The following SRPK2 variants were observed in gnomAD, a reference collection of about 807,000 sequenced individuals.
The protein encoded by SRPK2 is SFRS protein kinase 2.
SRPK2 carries 21 observed loss-of-function variants against 90.8 expected under a neutral mutation model. The ratio of observed to expected loss-of-function variants is 0.23; its 90% CI spans 0.16 to 0.33. SRPK2 has a LOEUF of 0.33. Among genes scored for constraint, SRPK2 ranks in the 10% least tolerant of loss-of-function variants. The probability of loss-of-function intolerance (pLI) is 1.00; values close to 1 mark genes in which losing one functional copy is unlikely to be tolerated. For synonymous variants in SRPK2, 288 were observed against 311.1 expected, an observed-to-expected ratio of 0.93 and a Z score of 0.78; for missense variants, 620 against 869.0, an observed-to-expected ratio of 0.71 and a Z score of 3.60.
In SRPK2 at chr7:105,117,316, C is replaced by A. The variant is rs1237858577; in HGVS notation, c.*522G>T. The A allele has an allele frequency of 2.0e-5, 3 of 153,354 alleles. No individual in the cohort carries two copies. Among genetic ancestry groups the A allele is most frequent in the Non-Finnish European group, 4.4e-5 (3 of 68,688 alleles). The allele number at this position is 153,354 out of a possible 1,614,324, so 9.5% of individuals were successfully genotyped here. A position where few individuals can be genotyped will look rare whatever the true frequency, so the allele number is the denominator to read the frequency against. ...TTGGTAGCTTTTCTGAAATTTGAGT[C>A]CCCCTCCCATATTTAATGGAAAGTA... On this transcript the variant is annotated 3_prime_UTR_variant, in exon 16 of 16. Transcript: ENST00000393651.
intron 2 of SRPK2, among the ~76,000 whole-genome samples, chr7:105,264,491 T>C (rs758419685): frequency 6.6e-6 from 1 of 152,202 alleles, no homozygotes; most frequent in Admixed American, 6.5e-5. Flanking sequence ...AGCATAAATA[T>C]TACTATGACA....
intron 13 of SRPK2, among the ~76,000 whole-genome samples, chr7:105,131,261 C>A (rs1801957421): frequency 6.6e-6 from 1 of 152,166 alleles, no homozygotes; most frequent in Non-Finnish European, 1.5e-5. Flanking sequence ...ATGGCCCCTG[C>A]TCCCCGACTC....
chr7:105,358,582 G>C (rs1043138948), intron 2 of SRPK2, among the ~76,000 whole-genome samples: 3 of 150,782 alleles, frequency 2.0e-5, no homozygotes, highest in African/African-American at 7.3e-5. Flanking sequence ...GTTACTTGGG[G>C]ATCTGAGGTG....
intron 2 of SRPK2, among the ~76,000 whole-genome samples, chr7:105,211,893 C>T (rs1040421063): frequency 2.0e-5 from 3 of 152,182 alleles, no homozygotes; most frequent in African/African-American, 7.2e-5. Context: ...AGACCTGCTT[C>T]CCAACTAATC....
chr7:105,139,790 T>G (rs1412551443), intron 11 of SRPK2, among the ~76,000 whole-genome samples: 1 of 152,188 alleles, frequency 6.6e-6, no homozygotes, highest in African/African-American at 2.4e-5. Context: ...ACCTTAGAGG[T>G]AGCCATTTCT....
At chr7:105,372,070 G>A (rs899507962) in intron 2 of SRPK2, among the ~76,000 whole-genome samples, 4 of 150,962 alleles carry the variant, frequency 2.6e-5, no homozygotes, top group African/African-American at 9.8e-5. Flanking sequence ...GGAAGGCGGA[G>A]GCCGCAGTGA....
chr7:105,309,791 G>A (rs563924996), intron 2 of SRPK2, among the ~76,000 whole-genome samples: 2 of 152,322 alleles, frequency 1.3e-5, no homozygotes, highest in East Asian at 3.9e-4. Context: ...TTTGCCTCCT[G>A]TGACATTATA....
intron 3 of SRPK2, among the ~76,000 whole-genome samples, chr7:105,202,780 T>C (rs1675547127): frequency 1.3e-5 from 2 of 152,218 alleles, no homozygotes; most frequent in Non-Finnish European, 2.9e-5. Flanking sequence ...GAAAGAATCT[T>C]TCTCTGTAAA....
intron 7 of SRPK2, among the ~76,000 whole-genome samples, chr7:105,147,538 CG>C (rs1804830337): frequency 6.6e-6 from 1 of 151,998 alleles, no homozygotes; most frequent in Non-Finnish European, 1.5e-5. Context: ...CCAGTGGTCT[CG>C]AACTCCTGAC....
chr7:105,291,413 A>AGTG (rs1207646766), intron 2 of SRPK2, among the ~76,000 whole-genome samples: 1 of 152,126 alleles, frequency 6.6e-6, no homozygotes, highest in African/African-American at 2.4e-5. Context: ...GGCCGGACAC[A>AGTG]GTGGCTCACA....
intron 3 of SRPK2, among the ~76,000 whole-genome samples, chr7:105,180,469 G>T (rs942473822): frequency 6.6e-6 from 1 of 152,070 alleles, no homozygotes; most frequent in African/African-American, 2.4e-5. Context: ...TAAAAACCCT[G>T]GAAAGGCTGG....
At chr7:105,168,451 A>T (rs1055207440) in intron 4 of SRPK2, among the ~76,000 whole-genome samples, 1 of 152,262 alleles carries the variant, frequency 6.6e-6, no homozygotes, top group East Asian at 1.9e-4. Flanking sequence ...AATCCAAAAC[A>T]CTTCTGGTCT....
chr7:105,170,715 A>AAG, intron 3 of SRPK2, among the ~76,000 whole-genome samples: 2 of 129,970 alleles, frequency 1.5e-5, no homozygotes, highest in African/African-American at 2.7e-5. Context: ...AAGACAAGAA[A>AAG]GAAAGAAAAG....
At chr7:105,248,850 C>G (rs890952861) in intron 2 of SRPK2, among the ~76,000 whole-genome samples, 4 of 150,322 alleles carry the variant, frequency 2.7e-5, no homozygotes, top group African/African-American at 9.8e-5. Flanking sequence ...GGCGTGAACC[C>G]GGGAGGCAGA....
intron 3 of SRPK2, among the ~76,000 whole-genome samples, chr7:105,170,670 GGT>G (rs1790700056): frequency 6.7e-6 from 1 of 149,520 alleles, no homozygotes; most frequent in African/African-American, 2.5e-5. Context: ...CTCCAGCCTG[GGT>G]TACAGAGTGA....
intron 2 of SRPK2, among the ~76,000 whole-genome samples, chr7:105,232,325 G>T (rs999381325): frequency 6.6e-6 from 1 of 152,050 alleles, no homozygotes. Flanking sequence ...CAGGCATGGT[G>T]GCACATGCCT....
chr7:105,335,119 C>T (rs1376501446), intron 2 of SRPK2, among the ~76,000 whole-genome samples: 1 of 152,036 alleles, frequency 6.6e-6, no homozygotes, highest in Non-Finnish European at 1.5e-5. Flanking sequence ...TACAGTGAGC[C>T]GAGATCGCAC....
intron 2 of SRPK2, among the ~76,000 whole-genome samples, chr7:105,368,011 C>G (rs2030776): frequency 0.28 from 41,831 of 151,958 alleles, 6,251 homozygotes; most frequent in Middle Eastern, 0.34. Flanking sequence ...AAGGAGAGTA[C>G]AGTTACAAAG....
In SRPK2 at chr7:105,144,951, C is replaced by T. The variant is rs184899439; in HGVS notation, c.813+332G>A. Among the ~76,000 whole-genome samples, 8 of 152,028 alleles carry T rather than the reference C, an allele frequency of 5.3e-5. 1 individual carries two copies. The East Asian group carries it at 1.5e-3, about 29-fold the overall frequency. Reference sequence around the variant, plus strand: ...GTGAAACCCCTCTCTACTAAAAATACAAAAATTAGTTGGGTGCGGTGGCAG... The same window carrying T: ...GTGAAACCCCTCTCTACTAAAAATATAAAAATTAGTTGGGTGCGGTGGCAG... On this transcript the variant is annotated intron_variant, in intron 9 of 15. Transcript: ENST00000393651.
Sources: gnomAD v4.1 joint callset for allele counts (sites outside exome capture counted in the v4.1 genomes callset) on GRCh38, gnomAD v4.1.1 for gene constraint, MANE v1.5 for transcripts, NCBI Gene and HGNC (gene_info 2026-07-23, HGNC 2026-07-21) for gene names.